Variants in EPS8L1 observed in about 807,000 individuals in gnomAD.
The protein encoded by EPS8L1 is EPS8 signaling adaptor L1.
Under a neutral mutation model 91.7 loss-of-function variants are expected in EPS8L1, and 101 were observed. That is an observed-to-expected ratio of 1.10 (90% CI 0.94 to 1.30). EPS8L1 has a LOEUF of 1.30. Among genes scored for constraint, EPS8L1 ranks in the 50% most tolerant of loss-of-function variants. The pLI is 0.00. For synonymous variants in EPS8L1, 506 were observed against 445.3 expected, an observed-to-expected ratio of 1.14 and a Z score of -1.72; for missense variants, 1,114 against 1,017.0, an observed-to-expected ratio of 1.10 and a Z score of -1.30.
intron 14 of EPS8L1, among the ~76,000 whole-genome samples, chr19:55,085,349 T>C (rs1322175047): frequency 6.6e-6 from 1 of 152,156 alleles, no homozygotes; most frequent in African/African-American, 2.4e-5. Context: ...TATTTTTTAG[T>C]AGAGACAGGG....
At position 55,080,338 on chromosome 19, in the gene EPS8L1, G is replaced by A. The variant is rs1372791864; in HGVS notation, c.429+60G>A. On this transcript the variant is annotated intron_variant, in intron 6 of 19. Coordinates refer to ENST00000201647, the MANE Select transcript of EPS8L1 (RefSeq NM_133180.3). ...GAACTGGGCGGAGCCTGGAGCCGGG[G>A]CGGAAATGGGTGGGGCCTCTAGGTG... is the stretch of plus-strand genomic sequence containing the variant. 4 of 1,542,758 alleles carry A rather than the reference G, an allele frequency of 2.6e-6. No homozygotes were observed. In the East Asian group the frequency reaches 7.3e-5, roughly 28 times the overall value.
At chr19:55,077,932 C>G (rs12981536) in intron 2 of EPS8L1, among the ~76,000 whole-genome samples, 156 bp from the exon 3 acceptor site, 1 of 126,288 alleles carries the variant, frequency 7.9e-6, no homozygotes, top group Non-Finnish European at 1.8e-5. Flanking sequence ...CTCTCCTGCT[C>G]AATAATAATA....
rs1430040525 is a variant in EPS8L1, at chr19:55,083,876, G to A, written c.1385+232G>A. 4.5e-6 allele frequency: 3 copies of A among 670,446 alleles called. No homozygotes were observed. The highest frequency in any genetic ancestry group is 2.3e-5 in the Admixed American group (1 of 43,198). 41.5% of individuals were successfully genotyped at this position (670,446 alleles called of 1,614,324 possible). A position where few individuals can be genotyped will look rare whatever the true frequency, so the allele number is the denominator to read the frequency against. ...CTAAGGGAGTTGGGAATGGAGACCC[G>A]GATTCCTGGGCCTAAGGGAGGAAGG... On this transcript the variant is annotated intron_variant, in intron 14 of 19. Transcript: ENST00000201647. This position sits in a 1 kb window ranked among gnomAD's most constrained non-coding sequence, Gnocchi z 4.7.
chr19:55,082,890 C>A (rs909786927), intron 12 of EPS8L1, among the ~76,000 whole-genome samples: 3 of 150,864 alleles, frequency 2.0e-5, no homozygotes, highest in African/African-American at 7.3e-5. Flanking sequence ...AGGGGCGGGG[C>A]TACGCGAAGG....
rs768006231 is a variant in EPS8L1 at position 55,076,479 on chromosome 19, C to G, written c.17+18C>G. On this transcript the variant is annotated intron_variant, in intron 2 of 19. Transcript: ENST00000201647. ...GCCACAGGGTAAGCGCCCCCGGACC[C>G]CAGGTCCCAGCCCCAGCACGCCTCC... 5 of 1,611,122 alleles carry G rather than the reference C, an allele frequency of 3.1e-6. No individual in the cohort carries two copies. The highest frequency in any genetic ancestry group is 4.5e-5 in the East Asian group (2 of 44,734).
In EPS8L1 at chr19:55,087,608, C is replaced by T. The variant is rs1050537592; in HGVS notation, c.2166C>T (p.Val722=). The change falls in exon 20 of 20, where the codon GTC becomes GTT. Residue 722 remains valine, a synonymous_variant. Transcript: ENST00000201647. ...KKVEGEVEME[V]I ...TGGAAGGCGAGGTGGAAATGGAGGT[C>T]ATTTGACCTGCCAGGCGCCCTTCGC... 1 of 1,613,984 alleles carries T rather than the reference C, an allele frequency of 6.2e-7. No homozygotes were observed. Among genetic ancestry groups the T allele is most frequent in the Non-Finnish European group, 8.5e-7 (1 of 1,179,988 alleles).
intron 19 of EPS8L1, 34 bp from the exon 20 acceptor site, chr19:55,087,494 G>GCCAGGACAAAGCGATTTCCACCCCGCCCT (rs760646803): frequency 1.2e-5 from 19 of 1,614,024 alleles, no homozygotes; most frequent in Admixed American, 1.7e-5. Context: ...GGGCTCGGAC[G>GCCAGGACAAAGCGATTTCCACCCCGCCCT]CCAGGACAAA....
chr19:55,087,808 T>TGGGGAGGGCGTGGAGACAGTCTAC lies in EPS8L1; in HGVS notation c.*197_*220dup, dbSNP rs2076369374. On this transcript the variant is annotated 3_prime_UTR_variant, in exon 20 of 20. Transcript: ENST00000201647. The stretch of plus-strand genomic sequence containing the variant: ...GGAGAGGATCTGGACTGGCTGGGAG[T>TGGGGAGGGCGTGGAGACAGTCTAC]GGGGAGGGCGTGGAGACAGTCTACG... 1.6e-6 allele frequency: 1 copy of TGGGGAGGGCGTGGAGACAGTCTAC among 618,846 alleles called. No individual in the cohort carries two copies. Among genetic ancestry groups the TGGGGAGGGCGTGGAGACAGTCTAC allele is most frequent in the South Asian group, 1.9e-5 (1 of 54,020 alleles). The allele number at this position is 618,846 out of a possible 1,614,324, so 38.3% of individuals were successfully genotyped here. A position where few individuals can be genotyped will look rare whatever the true frequency, so the allele number is the denominator to read the frequency against.
intron 14 of EPS8L1, among the ~76,000 whole-genome samples, chr19:55,085,232 C>T (rs1437618415): frequency 1.3e-5 from 2 of 152,198 alleles, no homozygotes; most frequent in African/African-American, 4.8e-5. Context: ...GTGGTGAGAT[C>T]TCAGCTCACT....
Position 55,086,695 on chromosome 19 carries a change from C to T in EPS8L1, c.1778-19C>T. The T allele has an allele frequency of 1.3e-6, 2 of 1,570,270 alleles. No individual in the cohort carries two copies. Among genetic ancestry groups the T allele is most frequent in the Middle Eastern group, 1.8e-4 (1 of 5,674 alleles). ...CGCCCTGAGCCCGCACTCCCTACCTCCCGGTTTCCCGCCTGCAGAGAAATT... is the reference window on the plus strand; with the variant it reads ...CGCCCTGAGCCCGCACTCCCTACCTTCCGGTTTCCCGCCTGCAGAGAAATT... On this transcript the variant is annotated intron_variant, in intron 17 of 19. Coordinates refer to ENST00000201647, the MANE Select transcript of EPS8L1 (RefSeq NM_133180.3).
chr19:55,078,934 C>T (rs1187809471), intron 3 of EPS8L1, 65 bp from the exon 4 acceptor site: 199 of 1,567,652 alleles, frequency 1.3e-4, no homozygotes, highest in Non-Finnish European at 8.8e-7. Context: ...GGCCTGGACT[C>T]CTGGGTCTGA....
At chr19:55,080,969 C>T (rs965253055) in intron 7 of EPS8L1, 115 bp downstream of exon 7, 2 of 1,036,426 alleles carry the variant, frequency 1.9e-6, no homozygotes, top group African/African-American at 3.2e-5. Flanking sequence ...CAAGCACACC[C>T]TAGTCGAGTC....
At position 55,086,564 on chromosome 19, in the gene EPS8L1, C is replaced by A. The variant is rs769568092; in HGVS notation, c.1777+46C>A. 2 of 1,542,096 alleles carry A rather than the reference C, an allele frequency of 1.3e-6. 1 individual carries two copies. Among genetic ancestry groups the A allele is most frequent in the South Asian group, 2.4e-5 (2 of 83,552 alleles). On this transcript the variant is annotated intron_variant, in intron 17 of 19. Coordinates refer to ENST00000201647, the MANE Select transcript of EPS8L1 (RefSeq NM_133180.3). ...CTGCGGGGAGCGGTCCTTATCCTTG[C>A]TTTCCAGGCAGAGAAACGGGGGCTC... is the stretch of plus-strand genomic sequence containing the variant.
Position 55,083,322 on chromosome 19 carries a change from C to A in EPS8L1, c.1215-56C>A, listed in dbSNP as rs2076309887. On this transcript the variant is annotated intron_variant, in intron 12 of 19. Coordinates refer to ENST00000201647, the MANE Select transcript of EPS8L1 (RefSeq NM_133180.3). This position sits in a 1 kb window ranked among gnomAD's most constrained non-coding sequence, Gnocchi z 4.7. ...AAACTTAGTGAAGTTAATGCAGGAA[C>A]GAAGTTGGGGGCTGTATCAGGATCC... 8.9e-6 allele frequency: 14 copies of A among 1,581,594 alleles called. No individual in the cohort carries two copies. The highest frequency in any genetic ancestry group is 6.9e-6 in the Non-Finnish European group (8 of 1,161,770).
rs543991055 is a variant in EPS8L1 at position 55,083,182 on chromosome 19, C to T, written c.1215-196C>T. On this transcript the variant is annotated intron_variant, in intron 12 of 19. Coordinates refer to ENST00000201647, the MANE Select transcript of EPS8L1 (RefSeq NM_133180.3). The surrounding 1 kb of genome is among the most constrained non-coding windows in gnomAD (Gnocchi z 4.7). ...AAATGCTGGGATTACAGGCGTGAGC[C>T]ACCGTGCCCGGTCTAGAAATATAAA... Among the ~76,000 whole-genome samples, 1 of 152,226 alleles carries T rather than the reference C, an allele frequency of 6.6e-6. No individual in the cohort carries two copies. The highest frequency in any genetic ancestry group is 2.1e-4 in the South Asian group (1 of 4,832).
chr19:55,079,187 A>C, intron 4 of EPS8L1, 130 bp downstream of exon 4: 1 of 947,168 alleles, frequency 1.1e-6, no homozygotes, highest in Non-Finnish European at 1.7e-6. Flanking sequence ...CATCCATAAA[A>C]TGGACCTCCG....
rs2076368477 is a variant in EPS8L1 at position 55,087,745 on chromosome 19, C to T, written c.*131C>T. On this transcript the variant is annotated 3_prime_UTR_variant, in exon 20 of 20. Coordinates refer to ENST00000201647, the MANE Select transcript of EPS8L1 (RefSeq NM_133180.3). Reference sequence around the variant, plus strand: ...CTCCGGCCCTGGTCTTCCCCCATCCCGGTGGACAGACTTAACGATCCTTGC... The same window carrying T: ...CTCCGGCCCTGGTCTTCCCCCATCCTGGTGGACAGACTTAACGATCCTTGC... 8 of 929,022 alleles carry T rather than the reference C, an allele frequency of 8.6e-6. No homozygotes were observed. The highest frequency in any genetic ancestry group is 2.5e-4 in the Middle Eastern group (1 of 3,932). 57.5% of individuals were successfully genotyped at this position (929,022 alleles called of 1,614,324 possible).
At chr19:55,080,921 A>C in intron 7 of EPS8L1, 67 bp downstream of exon 7, 5 of 1,408,352 alleles carry the variant, frequency 3.6e-6, no homozygotes, top group Non-Finnish European at 1.9e-6. Flanking sequence ...TCAGTCTACA[A>C]CACCAGCCTG....
At chr19:55,086,997 C>T (rs886103691) in intron 18 of EPS8L1, 109 bp downstream of exon 18, 12 of 1,346,290 alleles carry the variant, frequency 8.9e-6, no homozygotes, top group Admixed American at 3.4e-5. Flanking sequence ...CACAGGGAGC[C>T]GGGATTAGCC....
Sources: gnomAD v4.1 joint callset for allele counts (sites outside exome capture counted in the v4.1 genomes callset) on GRCh38, gnomAD v4.1.1 for gene constraint, Gnocchi (gnomAD v3.1) non-coding constraint, MANE v1.5 for transcripts, NCBI Gene and HGNC (gene_info 2026-07-23, HGNC 2026-07-21) for gene names.